Variants in EPM2A observed in about 807,000 individuals in gnomAD.
The protein encoded by EPM2A is EPM2A glucan phosphatase, laforin.
EPM2A carries 21 observed loss-of-function variants against 26.5 expected under a neutral mutation model. The observed-to-expected ratio is 0.79, with a 90% CI of 0.56 to 1.14. EPM2A has a LOEUF of 1.14. Ranked by LOEUF, EPM2A falls within the 50% of genes most tolerant of loss-of-function variation. EPM2A has a pLI of 0.00. For synonymous variants in EPM2A, 217 were observed against 177.6 expected (o/e 1.22, Z -1.76); for missense variants, 458 against 440.8 (o/e 1.04, Z -0.35).
chr6:145,529,949 TG>T (rs1740696436), intron 2 of EPM2A, among the ~76,000 whole-genome samples: 1 of 152,156 alleles, frequency 6.6e-6, no homozygotes, highest in African/African-American at 2.4e-5. Flanking sequence ...TCAAATTGCA[TG>T]GGGTTATTAT....
At chr6:145,620,289 C>G (rs979559734) in intron 2 of EPM2A, among the ~76,000 whole-genome samples, 1 of 152,168 alleles carries the variant, frequency 6.6e-6, no homozygotes, top group Non-Finnish European at 1.5e-5. Context: ...ATGTGCAGTT[C>G]ACAATACAGT....
chr6:145,509,109 T>C (rs1780018029), intron 2 of EPM2A, among the ~76,000 whole-genome samples: 1 of 152,190 alleles, frequency 6.6e-6, no homozygotes, highest in Admixed American at 6.5e-5. Flanking sequence ...ATGAAACCTA[T>C]GACTTGTTGG....
At chr6:145,611,933 A>G (rs988242361) in intron 2 of EPM2A, among the ~76,000 whole-genome samples, 1 of 152,188 alleles carries the variant, frequency 6.6e-6, no homozygotes, top group Non-Finnish European at 1.5e-5. Flanking sequence ...CTTGAACTCT[A>G]TTCTTGCTTA....
At position 145,626,023 on chromosome 6, in the gene EPM2A, C is replaced by A; in HGVS notation, c.*1393G>T. On this transcript the variant is annotated 3_prime_UTR_variant, in exon 4 of 4. Transcript: ENST00000367519. Reference sequence around the variant, plus strand: ...GTTAACCCTTCTGACCTTAGTTTCCCCATCTTTATCATGGAGATAATGAGA... The same window carrying A: ...GTTAACCCTTCTGACCTTAGTTTCCACATCTTTATCATGGAGATAATGAGA... 1 of 1,128,192 alleles carries A rather than the reference C, an allele frequency of 8.9e-7. No homozygotes were observed. The highest frequency in any genetic ancestry group is 1.1e-6 in the Non-Finnish European group (1 of 878,170). 69.9% of individuals were successfully genotyped at this position (1,128,192 alleles called of 1,614,324 possible).
chr6:145,575,487 C>A (rs976404672), intron 2 of EPM2A, among the ~76,000 whole-genome samples: 1 of 152,288 alleles, frequency 6.6e-6, no homozygotes, highest in South Asian at 2.1e-4. Flanking sequence ...TCACTCAGGG[C>A]AATCTTAGCA....
At chr6:145,394,769 C>T (rs912907005) in intron 4 of EPM2A, among the ~76,000 whole-genome samples, 2 of 152,130 alleles carry the variant, frequency 1.3e-5, no homozygotes, top group African/African-American at 4.8e-5. Context: ...CCCTGTCAAT[C>T]CAGAAAGTCA....
chr6:145,654,559 G>A (rs1470610216), intron 2 of EPM2A, among the ~76,000 whole-genome samples: 4 of 152,142 alleles, frequency 2.6e-5, no homozygotes, highest in African/African-American at 4.8e-5. Context: ...AAGTCCAACC[G>A]AAATTCCCAG....
chr6:145,671,639 TGAGA>T (rs1352082988), intron 2 of EPM2A, among the ~76,000 whole-genome samples: 1 of 152,190 alleles, frequency 6.6e-6, no homozygotes, highest in Admixed American at 6.5e-5. Flanking sequence ...CATGAGTAAA[TGAGA>T]GAGCTGAGGC....
chr6:145,531,380 A>T (rs1212830999), intron 2 of EPM2A, among the ~76,000 whole-genome samples: 1 of 152,194 alleles, frequency 6.6e-6, no homozygotes. Flanking sequence ...AAACACAGAA[A>T]GGGGGATTAT....
intron 2 of EPM2A, among the ~76,000 whole-genome samples, chr6:145,555,530 T>C (rs1780717520): frequency 6.6e-6 from 1 of 152,104 alleles, no homozygotes; most frequent in African/African-American, 2.4e-5. Context: ...TCAGTGTGGA[T>C]TAAAATGAAA....
chr6:145,400,471 A>G (rs769744535), intron 4 of EPM2A, among the ~76,000 whole-genome samples: 3 of 152,096 alleles, frequency 2.0e-5, no homozygotes, highest in Non-Finnish European at 4.4e-5. Context: ...ATTTCCATCA[A>G]TTGCCTAATA....
At chr6:145,457,128 A>C (rs376055385) in intron 4 of EPM2A, among the ~76,000 whole-genome samples, 3 of 152,202 alleles carry the variant, frequency 2.0e-5, no homozygotes, top group East Asian at 3.8e-4. Context: ...TTCTTACTTT[A>C]TAGATAAGAG....
chr6:145,394,119 G>A (rs1024499897), intron 4 of EPM2A, among the ~76,000 whole-genome samples: 11 of 151,976 alleles, frequency 7.2e-5, no homozygotes, highest in East Asian at 1.9e-4. Context: ...CATCATGCCC[G>A]GCCCAACTTA....
rs1432262857 is a variant in EPM2A at position 145,735,481 on chromosome 6, C to T, written c.18G>A (p.Gly6=). MRFRF[G]VVVPPAVAGA... is the part of the protein sequence containing the mutation. Reference sequence around the variant, plus strand: ...CGGCCACGGCGGGTGGCACCACCACCCCAAAGCGGAAGCGCATGGCGGGCG... The same window carrying T: ...CGGCCACGGCGGGTGGCACCACCACTCCAAAGCGGAAGCGCATGGCGGGCG... Residue 6 remains glycine (G), a synonymous_variant, in exon 1 of 4, where the codon GGG becomes GGA. Transcript: ENST00000367519. 28 of 1,197,048 alleles carry T rather than the reference C, an allele frequency of 2.3e-5. No individual in the cohort carries two copies. Among genetic ancestry groups the T allele is most frequent in the Non-Finnish European group, 2.8e-5 (27 of 966,524 alleles). The allele number at this position is 1,197,048 out of a possible 1,614,324, so 74.2% of individuals were successfully genotyped here.
chr6:145,613,840 A>T (rs539970911), intron 2 of EPM2A, among the ~76,000 whole-genome samples: 2 of 152,206 alleles, frequency 1.3e-5, no homozygotes, highest in Non-Finnish European at 2.9e-5. Flanking sequence ...GGCAGATAAG[A>T]TTTAGCATAA....
chr6:145,694,645 G>T (rs1445238660), intron 1 of EPM2A, among the ~76,000 whole-genome samples: 1 of 151,960 alleles, frequency 6.6e-6, no homozygotes, highest in African/African-American at 2.4e-5. Flanking sequence ...GAAGAAAGAA[G>T]ATCCAGCTAG....
At chr6:145,506,076 A>G (rs889113953) in intron 2 of EPM2A, among the ~76,000 whole-genome samples, 7 of 152,334 alleles carry the variant, frequency 4.6e-5, no homozygotes, top group Non-Finnish European at 4.4e-5. Flanking sequence ...TATTACTTAC[A>G]ATTGGTAATC....
At chr6:145,595,343 GA>G (rs1781328032) in intron 2 of EPM2A, among the ~76,000 whole-genome samples, 1 of 151,486 alleles carries the variant, frequency 6.6e-6, no homozygotes, top group Admixed American at 6.6e-5. Context: ...ATTACATAAT[GA>G]TAGAGGCCTA....
intron 2 of EPM2A, among the ~76,000 whole-genome samples, chr6:145,673,302 T>G (rs542909738): frequency 8.5e-5 from 13 of 152,108 alleles, no homozygotes; most frequent in Non-Finnish European, 1.8e-4. Context: ...TCTTTAGGAA[T>G]CCATTCCAAG....
Sources: gnomAD v4.1 joint callset for allele counts (sites outside exome capture counted in the v4.1 genomes callset) on GRCh38, gnomAD v4.1.1 for gene constraint, MANE v1.5 for transcripts, NCBI Gene and HGNC (gene_info 2026-07-23, HGNC 2026-07-21) for gene names.